ERC2: variants seen among roughly 807,000 people sequenced by gnomAD.
ERC2 encodes the protein ELKS/RAB6-interacting/CAST family member 2.
Under a neutral mutation model 114.8 loss-of-function variants are expected in ERC2, and 42 were observed. That is an observed-to-expected ratio of 0.37 (90% CI 0.29 to 0.47). The LOEUF (loss-of-function observed/expected upper bound fraction) is 0.47. ERC2 is among the 20% of genes least tolerant of loss of function. The pLI is 0.99. For synonymous variants in ERC2, 454 were observed against 425.5 expected (o/e 1.07, Z -0.82); for missense variants, 939 against 1,150.7 (o/e 0.82, Z 2.66).
chr3:55,693,054 C>T (rs1181257042), intron 16 of ERC2, among the ~76,000 whole-genome samples: 1 of 152,228 alleles, frequency 6.6e-6, no homozygotes, highest in Non-Finnish European at 1.5e-5. Flanking sequence ...CAAACACGCA[C>T]TTTGGCTGAG....
chr3:55,997,899 T>G (rs71325683), intron 10 of ERC2, among the ~76,000 whole-genome samples: 1 of 51,604 alleles, frequency 1.9e-5, no homozygotes, highest in African/African-American at 6.1e-5. Flanking sequence ...TTTTTTTTTT[T>G]TTTTTTTTGT....
intron 13 of ERC2, among the ~76,000 whole-genome samples, chr3:55,946,328 T>C (rs2067127450): frequency 6.6e-6 from 1 of 152,218 alleles, no homozygotes; most frequent in Non-Finnish European, 1.5e-5. Flanking sequence ...CAACATTAAC[T>C]TGAAGAATGT....
intron 2 of ERC2, among the ~76,000 whole-genome samples, chr3:56,327,991 G>C (rs2057442838): frequency 6.6e-6 from 1 of 152,180 alleles, no homozygotes; most frequent in Admixed American, 6.5e-5. Context: ...ACCATACAAA[G>C]TGAATAAGGT....
chr3:56,465,406 A>G (rs1332682918), intron 1 of ERC2, among the ~76,000 whole-genome samples: 1 of 152,352 alleles, frequency 6.6e-6, no homozygotes, highest in Non-Finnish European at 1.5e-5. Flanking sequence ...TCAAAAAACA[A>G]TAAAAAATAA....
chr3:55,795,649 A>G (rs2070413775), intron 14 of ERC2, among the ~76,000 whole-genome samples: 1 of 152,132 alleles, frequency 6.6e-6, no homozygotes. Flanking sequence ...TCAACTCTGT[A>G]CGTAACCAAG....
intron 1 of ERC2, among the ~76,000 whole-genome samples, chr3:56,447,631 ATAT>A (rs1219194819): frequency 6.6e-6 from 1 of 151,942 alleles, no homozygotes; most frequent in Non-Finnish European, 1.5e-5. Flanking sequence ...TATAGAGATT[ATAT>A]TATTTACATT....
intron 6 of ERC2, among the ~76,000 whole-genome samples, chr3:56,136,386 T>A (rs1009887247): frequency 3.3e-5 from 5 of 152,146 alleles, no homozygotes; most frequent in Admixed American, 3.3e-4. Context: ...CAAGGAGCTA[T>A]CACATGTAAC....
chr3:55,806,069 G>A (rs755287071), intron 14 of ERC2, among the ~76,000 whole-genome samples: 22 of 152,124 alleles, frequency 1.4e-4, no homozygotes, highest in Admixed American at 4.6e-4. Context: ...GCTGGGTATA[G>A]TGGTTCAATA....
At chr3:56,014,003 T>A (rs909239239) in intron 8 of ERC2, among the ~76,000 whole-genome samples, 7 of 152,190 alleles carry the variant, frequency 4.6e-5, no homozygotes, top group Non-Finnish European at 8.8e-5. Context: ...GTTTTATCTG[T>A]GCTTTCCAAA....
intron 7 of ERC2, among the ~76,000 whole-genome samples, chr3:56,080,535 T>C (rs927223105): frequency 4.6e-5 from 7 of 152,218 alleles, no homozygotes; most frequent in Admixed American, 1.3e-4. Flanking sequence ...CTTTGGTTAT[T>C]TTAGATTTGT....
At chr3:55,634,887 A>C (rs1006327705) in intron 17 of ERC2, among the ~76,000 whole-genome samples, 2 of 95,320 alleles carry the variant, frequency 2.1e-5, no homozygotes, top group African/African-American at 6.3e-5. Context: ...TCACTTTATT[A>C]TTTCTTTTTT....
At chr3:55,824,260 T>C (rs967601835) in intron 14 of ERC2, among the ~76,000 whole-genome samples, 1 of 152,180 alleles carries the variant, frequency 6.6e-6, no homozygotes, top group Non-Finnish European at 1.5e-5. Flanking sequence ...TTCGTGATTC[T>C]CCAGGCTCTC....
intron 14 of ERC2, among the ~76,000 whole-genome samples, chr3:55,839,560 G>GA (rs1321951885): frequency 6.6e-6 from 1 of 151,372 alleles, no homozygotes; most frequent in African/African-American, 2.4e-5. Flanking sequence ...AAGACAGAAA[G>GA]AAAAAAATGG....
intron 17 of ERC2, among the ~76,000 whole-genome samples, chr3:55,644,983 C>A (rs1412238664): frequency 4.6e-5 from 7 of 152,044 alleles, no homozygotes; most frequent in Non-Finnish European, 8.8e-5. Flanking sequence ...CAGTGGTCAT[C>A]TAGCGTGAGA....
chr3:56,087,389 C>G (rs1386433722), intron 6 of ERC2, among the ~76,000 whole-genome samples: 1 of 152,068 alleles, frequency 6.6e-6, no homozygotes, highest in Non-Finnish European at 1.5e-5. Flanking sequence ...CATGTCAGCA[C>G]CCAGGAATTA....
intron 3 of ERC2, among the ~76,000 whole-genome samples, chr3:56,194,982 G>A (rs1336840851): frequency 2.0e-5 from 3 of 152,182 alleles, no homozygotes; most frequent in Non-Finnish European, 4.4e-5. Flanking sequence ...TAAAACCACA[G>A]ATAGTACCAA....
intron 12 of ERC2, among the ~76,000 whole-genome samples, chr3:55,970,758 A>G (rs2069097923): frequency 6.6e-6 from 1 of 152,230 alleles, no homozygotes. Context: ...AAAATGGCAC[A>G]GCCACTTTTG....
chr3:56,030,816 T>C (rs1371723066), intron 7 of ERC2, among the ~76,000 whole-genome samples: 15 of 152,104 alleles, frequency 9.9e-5, no homozygotes, highest in Admixed American at 9.8e-4. Context: ...AGCACAAATA[T>C]AAGAAAAGAC....
chr3:55,724,956 T>C (rs1303643098), intron 15 of ERC2, among the ~76,000 whole-genome samples: 1 of 152,222 alleles, frequency 6.6e-6, no homozygotes, highest in African/African-American at 2.4e-5. Context: ...AATAAGAGGC[T>C]TGGTAAAACA....
Sources: allele counts gnomAD v4.1 joint callset (sites outside exome capture counted in the v4.1 genomes callset), GRCh38; gene constraint gnomAD v4.1.1; transcripts MANE v1.5; gene names NCBI Gene and HGNC (gene_info 2026-07-23, HGNC 2026-07-21).